Variants in CFAP61 observed in about 807,000 individuals in gnomAD.
CFAP61 encodes the protein cilia and flagella associated protein 61.
A neutral mutation model predicts 135.6 loss-of-function variants in CFAP61; 107 were observed. The ratio of observed to expected loss-of-function variants is 0.79; its 90% CI spans 0.67 to 0.93. The LOEUF is 0.93. CFAP61 is among the 40% of genes least tolerant of loss of function. CFAP61 has a pLI of 0.00. For synonymous variants in CFAP61, 575 were observed against 578.5 expected (o/e 0.99, Z 0.09); for missense variants, 1,507 against 1,556.2 (o/e 0.97, Z 0.53).
intron 15 of CFAP61, among the ~76,000 whole-genome samples, chr20:20,195,585 G>C (rs538310490): frequency 6.6e-6 from 1 of 151,434 alleles, no homozygotes; most frequent in African/African-American, 2.4e-5. Flanking sequence ...GGACAGAGGG[G>C]GGACCAGAAC....
At chr20:20,323,448 C>CAT (rs879698567) in intron 25 of CFAP61, 17 of 298,740 alleles carry the variant, frequency 5.7e-5, no homozygotes, top group Non-Finnish European at 7.4e-5. Flanking sequence ...CAAGAGTTAA[C>CAT]ATATGATTGC....
chr20:20,341,926 G>A lies in CFAP61; in HGVS notation c.3513+5G>A, dbSNP rs778271790. 3.1e-6 allele frequency: 5 copies of A among 1,596,256 alleles called. No homozygotes were observed. In the East Asian group the frequency reaches 1.1e-4, roughly 36 times the overall value. On this transcript the variant is annotated splice_donor_5th_base_variant and intron_variant, in intron 26 of 26. Coordinates refer to ENST00000245957, the MANE Select transcript of CFAP61 (RefSeq NM_015585.4). ...CAAATCTTAGCCTCCAAGGAGGTAA[G>A]AGTGATTAATGGATATGTGGATTAT...
At chr20:20,196,470 A>T in intron 15 of CFAP61, 100 bp from the exon 16 acceptor site, 1 of 848,150 alleles carries the variant, frequency 1.2e-6, no homozygotes, top group Non-Finnish European at 1.9e-6. Flanking sequence ...TACGTTTCTT[A>T]CTATCATACC....
intron 25 of CFAP61, among the ~76,000 whole-genome samples, chr20:20,309,782 A>G (rs747021380): frequency 1.3e-5 from 2 of 152,206 alleles, no homozygotes; most frequent in African/African-American, 4.8e-5. Flanking sequence ...TGCCCAGGAT[A>G]ATTCATGTGT....
chr20:20,292,720 T>C (rs1227213922), intron 24 of CFAP61, among the ~76,000 whole-genome samples: 1 of 152,208 alleles, frequency 6.6e-6, no homozygotes, highest in South Asian at 2.1e-4. Flanking sequence ...CTCAAGTGCC[T>C]GGGCTTCCTC....
Position 20,123,755 on chromosome 20 carries a change from T to C in CFAP61, c.860-19102T>C, listed in dbSNP as rs2049850518. On this transcript the variant is annotated intron_variant, in intron 8 of 26. Transcript: ENST00000245957. Reference sequence around the variant, plus strand: ...ATATGAATTTTAGAATTGTATTTTCTAATTCTGTGAAGAATGATGGTGGTA... The same window carrying C: ...ATATGAATTTTAGAATTGTATTTTCCAATTCTGTGAAGAATGATGGTGGTA... Among the ~76,000 whole-genome samples the C allele has an allele frequency of 2.6e-5, 4 of 151,706 alleles. No homozygotes were observed. The South Asian group carries it at 8.3e-4, about 31-fold the overall frequency.
intron 18 of CFAP61, among the ~76,000 whole-genome samples, chr20:20,244,204 C>T (rs2050251018): frequency 1.3e-5 from 2 of 152,034 alleles, no homozygotes; most frequent in South Asian, 4.2e-4. Flanking sequence ...AGGAGGGTGG[C>T]CCTCTTCTCA....
intron 25 of CFAP61, among the ~76,000 whole-genome samples, chr20:20,313,272 CCTAA>C (rs1166074801): frequency 6.6e-6 from 1 of 152,212 alleles, no homozygotes; most frequent in East Asian, 1.9e-4. Flanking sequence ...CTCACCAGAA[CCTAA>C]CTATGTTATC....
chr20:20,071,866 CAG>C (rs1345703077), intron 3 of CFAP61, among the ~76,000 whole-genome samples: 1 of 152,104 alleles, frequency 6.6e-6, no homozygotes, highest in African/African-American at 2.4e-5. Context: ...GGACTATTGT[CAG>C]AAAAATTATC....
intron 21 of CFAP61, among the ~76,000 whole-genome samples, chr20:20,268,464 G>A (rs1274594878): frequency 1.3e-5 from 2 of 152,222 alleles, no homozygotes; most frequent in African/African-American, 4.8e-5. Context: ...ACCCCAGAGA[G>A]TAGCTCCTTC....
In CFAP61 at chr20:20,322,845, G is replaced by T; in HGVS notation, c.3423-18986G>T. ...GTGTTTCATAGAAGACATTCATCTT[G>T]CATTAATGAAAATCAAATTTACTAA... On this transcript the variant is annotated intron_variant, in intron 25 of 26. Coordinates refer to ENST00000245957, the MANE Select transcript of CFAP61 (RefSeq NM_015585.4). 5.1e-6 allele frequency: 5 copies of T among 985,148 alleles called. No individual in the cohort carries two copies. In the South Asian group the frequency reaches 1.9e-4, roughly 37 times the overall value. The allele number at this position is 985,148 out of a possible 1,614,324, so 61.0% of individuals were successfully genotyped here.
intron 22 of CFAP61, among the ~76,000 whole-genome samples, chr20:20,285,350 CA>C (rs2054505841): frequency 6.7e-6 from 1 of 150,356 alleles, no homozygotes; most frequent in Non-Finnish European, 1.5e-5. Flanking sequence ...TTATGATTTT[CA>C]CTAAATTTTA....
intron 25 of CFAP61, among the ~76,000 whole-genome samples, chr20:20,309,987 T>C (rs1450131398): frequency 6.6e-6 from 1 of 152,166 alleles, no homozygotes; most frequent in Non-Finnish European, 1.5e-5. Flanking sequence ...CCTTATTAAT[T>C]AACTTTGTTT....
rs575251054 is a variant in CFAP61 at position 20,207,673 on chromosome 20, C to T, written c.1932+7771C>T. On this transcript the variant is annotated intron_variant, in intron 17 of 26. Transcript: ENST00000245957. ...ATGACAAAGAGGACAATTAGAGCTG[C>T]AGATACTGACTAGAGAAGTGACATC... Among the ~76,000 whole-genome samples, 113 of 152,334 alleles carry T rather than the reference C, an allele frequency of 7.4e-4. 1 individual carries two copies. Among genetic ancestry groups the T allele is most frequent in the Admixed American group, 2.3e-3 (35 of 15,292 alleles).
At chr20:20,099,577 A>AC (rs926839146) in intron 8 of CFAP61, among the ~76,000 whole-genome samples, 18 of 59,310 alleles carry the variant, frequency 3.0e-4, no homozygotes, top group Middle Eastern at 8.5e-3. Context: ...TACCTCCCAC[A>AC]CGGGGGGGGG....
chr20:20,316,356 A>G (rs558506153), intron 25 of CFAP61, among the ~76,000 whole-genome samples: 3 of 151,910 alleles, frequency 2.0e-5, no homozygotes, highest in African/African-American at 7.2e-5. Context: ...TTGTTGGTAT[A>G]TAAGAATGCT....
chr20:20,177,640 A>T (rs2054733585), intron 13 of CFAP61, among the ~76,000 whole-genome samples: 1 of 151,420 alleles, frequency 6.6e-6, no homozygotes, highest in Admixed American at 6.6e-5. Flanking sequence ...GGGGAAACAG[A>T]AATGATGCAA....
At chr20:20,202,921 G>A (rs2056692419) in intron 17 of CFAP61, among the ~76,000 whole-genome samples, 2 of 151,990 alleles carry the variant, frequency 1.3e-5, no homozygotes, top group South Asian at 4.2e-4. Flanking sequence ...CACCTAGGAA[G>A]CCAATCTTCA....
intron 19 of CFAP61, among the ~76,000 whole-genome samples, chr20:20,250,807 C>G (rs1309288937): frequency 6.6e-6 from 1 of 152,020 alleles, no homozygotes; most frequent in Non-Finnish European, 1.5e-5. Flanking sequence ...TTAAATAAAC[C>G]CAAAGCCACA....
Sources: gnomAD v4.1 joint callset for allele counts (sites outside exome capture counted in the v4.1 genomes callset) on GRCh38, gnomAD v4.1.1 for gene constraint, MANE v1.5 for transcripts, NCBI Gene and HGNC (gene_info 2026-07-23, HGNC 2026-07-21) for gene names.